MGAM2: variants seen among roughly 807,000 people sequenced by gnomAD.
MGAM2 encodes the protein probable maltase-glucoamylase 2.
In MGAM2, 98 loss-of-function variants were observed where a neutral mutation model predicts 96.1. The observed-to-expected ratio is 1.02, with a 90% CI of 0.87 to 1.21. MGAM2 has a LOEUF of 1.21. MGAM2 is among the 50% of genes most tolerant of loss of function. The pLI is 0.00. For missense variants in MGAM2, 2,055 were observed against 1,182.4 expected (o/e 1.74, Z -10.82); for synonymous variants, 749 against 414.8 (o/e 1.81, Z -9.79).
At chr7:142,124,645 C>T (rs1427093128) in intron 3 of MGAM2, among the ~76,000 whole-genome samples, 2 of 152,106 alleles carry the variant, frequency 1.3e-5, no homozygotes, top group African/African-American at 4.8e-5. Context: ...ATTGTGATTA[C>T]ATAAAATTTA....
At chr7:142,163,443 G>A (rs1033619180) in intron 23 of MGAM2, among the ~76,000 whole-genome samples, 2 of 152,076 alleles carry the variant, frequency 1.3e-5, no homozygotes, top group Non-Finnish European at 2.9e-5. Flanking sequence ...CACCATGCCC[G>A]GCTAATTTTT....
chr7:142,200,468 G>T (rs916865122), intron 45 of MGAM2, among the ~76,000 whole-genome samples: 3 of 152,128 alleles, frequency 2.0e-5, no homozygotes, highest in African/African-American at 7.2e-5. Flanking sequence ...ATATTAATTT[G>T]TATGTTTCCT....
At position 142,142,738 on chromosome 7, in the gene MGAM2, C is replaced by T. The variant is rs984231577; in HGVS notation, c.1318-1031C>T. Among the ~76,000 whole-genome samples, 37 of 151,926 alleles carry T rather than the reference C, an allele frequency of 2.4e-4. 1 individual carries two copies. Among genetic ancestry groups the T allele is most frequent in the African/African-American group, 8.2e-4 (34 of 41,446 alleles). On this transcript the variant is annotated intron_variant, in intron 12 of 47. Transcript: ENST00000477922. The stretch of plus-strand genomic sequence containing the variant: ...CTGATTTTTGTATTTTTAGTAGAGA[C>T]GGAATTTCACTCTCTCGGCCAGACT...
chr7:142,158,331 A>T lies in MGAM2; in HGVS notation c.2162A>T (p.Glu721Val). 1 of 702,906 alleles carries T rather than the reference A, an allele frequency of 1.4e-6. No homozygotes were observed. Among genetic ancestry groups the T allele is most frequent in the East Asian group, 2.7e-5 (1 of 37,278 alleles). 43.5% of individuals were successfully genotyped at this position (702,906 alleles called of 1,614,324 possible). A position where few individuals can be genotyped will look rare whatever the true frequency, so the allele number is the denominator to read the frequency against. The change falls in exon 19 of 48, where the codon GAA becomes GTA. Residue 721 changes from glutamate to valine, a missense_variant and splice_region_variant. Glu to Val is a moderately radical substitution (Grantham distance 121, BLOSUM62 -2). Coordinates refer to ENST00000477922, the MANE Select transcript of MGAM2 (RefSeq NM_001293626.2). The stretch of plus-strand genomic sequence containing the variant: ...CTCCTCATCACGCCTGTTTTATATG[A>T]AGTATGTTTATCATCTAAACAATGA... Reference protein sequence around the residue: ...PGLLITPVLYEGVDEVKAYIP... With the variant: ...PGLLITPVLYVGVDEVKAYIP...
intron 21 of MGAM2, 84 bp downstream of exon 21, chr7:142,160,342 T>G (rs992776750): frequency 3.5e-6 from 2 of 576,142 alleles, no homozygotes; most frequent in African/African-American, 3.7e-5. Flanking sequence ...TAGGGATTTT[T>G]GTGGATGAGC....
intron 37 of MGAM2, among the ~76,000 whole-genome samples, chr7:142,193,928 G>A (rs1349798927): frequency 6.6e-6 from 1 of 152,050 alleles, no homozygotes; most frequent in Non-Finnish European, 1.5e-5. Context: ...ATTGCCCATA[G>A]CTGTCTCATT....
intron 3 of MGAM2, among the ~76,000 whole-genome samples, chr7:142,124,589 C>G (rs1794685942): frequency 6.6e-6 from 1 of 152,072 alleles, no homozygotes; most frequent in African/African-American, 2.4e-5. Flanking sequence ...TTTAATGTCT[C>G]TCATACCAGC....
At position 142,220,558 on chromosome 7, in the gene MGAM2, C is replaced by T. The variant is rs1324596567; in HGVS notation, c.6047C>T (p.Thr2016Ile). Reference protein sequence around the residue: ...TSTTSASTNATPVPITTTLFA... With the variant: ...TSTTSASTNAIPVPITTTLFA... ...ACTACTAGTGCTAGCACTAATGCTA[C>T]CCCTGTTCCTATCACAACCACACTT... The change falls in exon 48 of 48, where the codon ACC becomes ATC. Residue 2016 changes from threonine to isoleucine, a missense_variant. Coordinates refer to ENST00000477922, the MANE Select transcript of MGAM2 (RefSeq NM_001293626.2). 8.6e-6 allele frequency: 6 copies of T among 697,926 alleles called. No individual in the cohort carries two copies. The highest frequency in any genetic ancestry group is 7.5e-5 in the South Asian group (5 of 66,884). 43.2% of individuals were successfully genotyped at this position (697,926 alleles called of 1,614,324 possible).
intron 9 of MGAM2, 126 bp from the exon 10 acceptor site, chr7:142,138,416 T>C (rs997920341): frequency 5.6e-5 from 33 of 586,952 alleles, no homozygotes; most frequent in Middle Eastern, 2.6e-4. Context: ...GATGTGATTG[T>C]GGAATTTCAC....
intron 19 of MGAM2, among the ~76,000 whole-genome samples, chr7:142,158,715 A>G (rs1420891587): frequency 6.6e-6 from 1 of 152,136 alleles, no homozygotes; most frequent in African/African-American, 2.4e-5. Flanking sequence ...GTGGAGAAGA[A>G]AAGGGAGGGA....
intron 25 of MGAM2, among the ~76,000 whole-genome samples, 189 bp downstream of exon 25, chr7:142,166,442 A>G (rs1003853152): frequency 6.6e-6 from 1 of 152,198 alleles, no homozygotes; most frequent in African/African-American, 2.4e-5. Context: ...TGCCATTCTC[A>G]TTGCCACTCC....
At chr7:142,171,165 T>C in intron 27 of MGAM2, 107 bp from the exon 28 acceptor site, 1 of 695,656 alleles carries the variant, frequency 1.4e-6, no homozygotes, top group African/African-American at 1.7e-5. Context: ...TGGATCTAAA[T>C]GTGCAATAAT....
At chr7:142,133,952 A>T in intron 6 of MGAM2, 29 bp from the exon 7 acceptor site, 1 of 671,796 alleles carries the variant, frequency 1.5e-6, no homozygotes, top group Admixed American at 2.1e-5. Context: ...TTTTTCGGTG[A>T]TTCTTGCTCT....
chr7:142,119,500 C>T (rs901430007), intron 2 of MGAM2, among the ~76,000 whole-genome samples: 12 of 152,158 alleles, frequency 7.9e-5, no homozygotes, highest in South Asian at 2.1e-4. Context: ...GCCAGTTCCT[C>T]GAAAAGCTAC....
At chr7:142,201,280 G>T (rs1797222893) in intron 45 of MGAM2, among the ~76,000 whole-genome samples, 1 of 151,576 alleles carries the variant, frequency 6.6e-6, no homozygotes, top group African/African-American at 2.4e-5. Context: ...ATGTTGGCCA[G>T]GCTGGTCTCG....
intron 45 of MGAM2, among the ~76,000 whole-genome samples, chr7:142,207,486 C>T (rs1329571282): frequency 1.3e-4 from 19 of 151,976 alleles, no homozygotes; most frequent in East Asian, 9.7e-4. Flanking sequence ...AGTGCAGTGG[C>T]GCGATCTTGG....
chr7:142,175,827 T>C, intron 32 of MGAM2, 47 bp downstream of exon 32: 2 of 691,546 alleles, frequency 2.9e-6, no homozygotes, highest in Non-Finnish European at 2.6e-6. Context: ...TCCATATTCA[T>C]GGTTCAAAAA....
At chr7:142,125,026 T>G (rs1794695993) in intron 3 of MGAM2, among the ~76,000 whole-genome samples, 1 of 152,192 alleles carries the variant, frequency 6.6e-6, no homozygotes, top group African/African-American at 2.4e-5. Context: ...TTCTTCCATG[T>G]CTTTTAACTC....
chr7:142,132,722 ATAT>A (rs1194137224), intron 6 of MGAM2, among the ~76,000 whole-genome samples: 36 of 126,294 alleles, frequency 2.9e-4, no homozygotes, highest in Middle Eastern at 0.023. Flanking sequence ...AATATTAATA[ATAT>A]TAATAGAAAT....
Sources: allele counts gnomAD v4.1 joint callset (sites outside exome capture counted in the v4.1 genomes callset), GRCh38; gene constraint gnomAD v4.1.1; transcripts MANE v1.5; gene names NCBI Gene and HGNC (gene_info 2026-07-23, HGNC 2026-07-21).